Variants in TLE4 observed in about 807,000 individuals in gnomAD.
TLE4 encodes transducin-like enhancer protein 4.
TLE4 carries 8 observed loss-of-function variants against 92.8 expected under a neutral mutation model. That is an observed-to-expected ratio of 0.09 (90% CI 0.05 to 0.16). The LOEUF is 0.16. Ranked by LOEUF, TLE4 falls within the 10% of genes least tolerant of loss-of-function variation. The pLI is 1.00. For missense variants in TLE4, 675 were observed against 997.6 expected, an observed-to-expected ratio of 0.68 and a Z score of 4.36; for synonymous variants, 371 against 374.1, an observed-to-expected ratio of 0.99 and a Z score of 0.10.
At chr9:79,598,699 A>G (rs148634517) in intron 4 of TLE4, among the ~76,000 whole-genome samples, 103 of 152,268 alleles carry the variant, frequency 6.8e-4, no homozygotes, top group African/African-American at 2.4e-3. Context: ...TATGAAATTA[A>G]TATGGCTCAC....
chr9:79,678,644 TAA>T lies in TLE4; in HGVS notation c.609+24570_609+24571del, dbSNP rs1160474337. On this transcript the variant is annotated intron_variant, in intron 8 of 19. Coordinates refer to ENST00000376552, the MANE Select transcript of TLE4 (RefSeq NM_007005.6). ...TTTTTTTTTTATTATTATTATACTTTAAGTTTTAGGGTACATGTGCACAATGT... is the reference window on the plus strand; with the variant it reads ...TTTTTTTTTTATTATTATTATACTTTGTTTTAGGGTACATGTGCACAATGT... Among the ~76,000 whole-genome samples, 11 of 152,146 alleles carry T rather than the reference TAA, an allele frequency of 7.2e-5. No homozygotes were observed. In the South Asian group the frequency reaches 2.3e-3, roughly 32 times the overall value.
intron 8 of TLE4, among the ~76,000 whole-genome samples, chr9:79,673,305 ATAT>A (rs1439443887): frequency 6.6e-6 from 1 of 152,312 alleles, no homozygotes; most frequent in African/African-American, 2.4e-5. Context: ...ATTATAACAA[ATAT>A]TATAACAAAA....
chr9:79,652,632 C>A lies in TLE4; in HGVS notation c.430C>A (p.Leu144Ile), dbSNP rs754076181. Residue 144 changes from leucine to isoleucine, a missense_variant, in exon 7 of 20, where the codon CTC (leucine) becomes ATC (isoleucine). Around this residue, in one of 5 missense-constraint regions of TLE4, gnomAD observed 280 missense variants for 287.3 expected, o/e 0.97. Coordinates refer to ENST00000376552, the MANE Select transcript of TLE4 (RefSeq NM_007005.6). ...CCAGCATTTATCACATGGACATGGT[C>A]TCCCCGTACCTCTGACTCCACACCC... is the stretch of plus-strand genomic sequence containing the variant. Reference protein sequence around the residue: ...QAQHLSHGHGLPVPLTPHPSG... With the variant: ...QAQHLSHGHGIPVPLTPHPSG... The A allele has an allele frequency of 5.6e-6, 9 of 1,614,186 alleles. No individual in the cohort carries two copies. Among genetic ancestry groups the A allele is most frequent in the Non-Finnish European group, 7.6e-6 (9 of 1,180,018 alleles).
At chr9:79,586,494 G>A (rs945536549) in intron 4 of TLE4, among the ~76,000 whole-genome samples, 8 of 152,154 alleles carry the variant, frequency 5.3e-5, no homozygotes, top group African/African-American at 1.7e-4. Context: ...AATTAGCTCC[G>A]GGGGTTACTC....
intron 8 of TLE4, chr9:79,663,697 A>G (rs1436299989): frequency 6.6e-6 from 1 of 151,492 alleles, no homozygotes; most frequent in Admixed American, 6.6e-5. Context: ...TTTTTTGGTC[A>G]CGGAACTGGT....
intron 5 of TLE4, among the ~76,000 whole-genome samples, chr9:79,622,659 C>T (rs2051315387): frequency 6.6e-6 from 1 of 152,146 alleles, no homozygotes; most frequent in Non-Finnish European, 1.5e-5. Flanking sequence ...TCTATGAGAT[C>T]AAAGACTATG....
chr9:79,669,816 A>G (rs2061979515), intron 8 of TLE4, among the ~76,000 whole-genome samples: 1 of 152,240 alleles, frequency 6.6e-6, no homozygotes, highest in Non-Finnish European at 1.5e-5. Context: ...TCTTTGCAGC[A>G]TCTTAATCCT....
chr9:79,711,933 T>G (rs1001957991), intron 14 of TLE4, among the ~76,000 whole-genome samples: 1 of 151,912 alleles, frequency 6.6e-6, no homozygotes, highest in Admixed American at 6.6e-5. Context: ...GTCAACAGAG[T>G]ATGGTTTTGG....
intron 8 of TLE4, among the ~76,000 whole-genome samples, chr9:79,671,995 CTTTTTTTTTTT>C (rs773064446): frequency 8.9e-5 from 3 of 33,694 alleles, no homozygotes; most frequent in Admixed American, 5.7e-4. Context: ...AAACAAAACA[CTTTTTTTTTTT>C]TTTTTTTTTT....
Position 79,676,683 on chromosome 9 carries a change from G to T in TLE4, c.609+22608G>T, listed in dbSNP as rs141288636. On this transcript the variant is annotated intron_variant, in intron 8 of 19. Coordinates refer to ENST00000376552, the MANE Select transcript of TLE4 (RefSeq NM_007005.6). ...CTGGACTAGATTCAGGGGAGGCGTG[G>T]CCATCGTCTAGCCTTATCTATGACG... 3.3e-5 allele frequency among the ~76,000 whole-genome samples: 5 copies of T among 152,136 alleles called. No homozygotes were observed. The East Asian group carries it at 7.7e-4, about 24-fold the overall frequency.
chr9:79,708,550 T>A, intron 12 of TLE4, 43 bp from the exon 13 acceptor site: 1 of 1,557,562 alleles, frequency 6.4e-7, no homozygotes, highest in Non-Finnish European at 8.8e-7. Context: ...TCACTGTTGT[T>A]TCCTGTGTTC....
rs1433472696 is a variant in TLE4, at chr9:79,726,536, G to T, written c.*1392G>T. On this transcript the variant is annotated 3_prime_UTR_variant, in exon 20 of 20. Coordinates refer to ENST00000376552, the MANE Select transcript of TLE4 (RefSeq NM_007005.6). ...ACTGTCCATTGACGTTCCTAATGTG[G>T]TAGCAGAAAAAAAAAAATGGTGTCT... 3.3e-5 allele frequency: 2 copies of T among 60,736 alleles called. No homozygotes were observed. Among genetic ancestry groups the T allele is most frequent in the African/African-American group, 1.1e-4 (2 of 18,454 alleles). The allele number at this position is 60,736 out of a possible 1,614,324, so 3.8% of individuals were successfully genotyped here.
chr9:79,634,200 A>G (rs184943246), intron 6 of TLE4, among the ~76,000 whole-genome samples: 307 of 152,308 alleles, frequency 2.0e-3, no homozygotes, highest in African/African-American at 6.6e-3. Context: ...CTTCTGAAAT[A>G]TATTCTGAAA....
intron 4 of TLE4, among the ~76,000 whole-genome samples, chr9:79,584,587 C>G (rs550988104): frequency 6.6e-6 from 1 of 152,086 alleles, no homozygotes; most frequent in African/African-American, 2.4e-5. Flanking sequence ...CTGTGCCTAT[C>G]GCATAGTAGA....
At chr9:79,692,392 G>A (rs1274543363) in intron 8 of TLE4, among the ~76,000 whole-genome samples, 1 of 152,160 alleles carries the variant, frequency 6.6e-6, no homozygotes, top group East Asian at 1.9e-4. Flanking sequence ...CTCTTTCAAA[G>A]GCTTAGAGGA....
intron 4 of TLE4, among the ~76,000 whole-genome samples, chr9:79,590,155 C>T (rs752310096): frequency 1.6e-4 from 25 of 152,166 alleles, no homozygotes; most frequent in Non-Finnish European, 2.9e-4. Flanking sequence ...CTCTGGCTAG[C>T]TTGGTTAACC....
chr9:79,607,908 T>C (rs1344885192), intron 4 of TLE4, among the ~76,000 whole-genome samples: 1 of 152,060 alleles, frequency 6.6e-6, no homozygotes, highest in Non-Finnish European at 1.5e-5. Flanking sequence ...CATATGAACT[T>C]TAAAGTAGTT....
rs116140960 is a variant in TLE4, at chr9:79,594,820, C to T, written c.253-17836C>T. Among the ~76,000 whole-genome samples the T allele has an allele frequency of 4.4e-3, 672 of 152,286 alleles. 4 individuals carry two copies. The highest frequency in any genetic ancestry group is 0.015 in the African/African-American group (613 of 41,558). ...ATTTTGTTTTAATTTTGTTCTCATG[C>T]ATGTACATTCTCTGCAGAAAATTTA... On this transcript the variant is annotated intron_variant, in intron 4 of 19. Transcript: ENST00000376552.
At chr9:79,722,697 C>G (rs1231398783) in intron 18 of TLE4, 96 bp downstream of exon 18, 1 of 1,423,854 alleles carries the variant, frequency 7.0e-7, no homozygotes, top group African/African-American at 1.4e-5. Context: ...GAGTTCATTA[C>G]CATGCCCCTC....
Sources: gnomAD v4.1 joint callset for allele counts (sites outside exome capture counted in the v4.1 genomes callset) on GRCh38, gnomAD v4.1.1 for gene constraint, gnomAD v4.1.1 regional missense constraint, MANE v1.5 for transcripts, NCBI Gene and HGNC (gene_info 2026-07-23, HGNC 2026-07-21) for gene names.